Variants in SEMA5A observed in about 807,000 individuals in gnomAD.
SEMA5A encodes semaphorin 5A.
SEMA5A carries 55 observed loss-of-function variants against 135.5 expected under a neutral mutation model. That is an observed-to-expected ratio of 0.41 (90% CI 0.33 to 0.51). SEMA5A has a LOEUF of 0.51. SEMA5A is among the 20% of genes least tolerant of loss of function. SEMA5A has a pLI of 0.37. For missense variants in SEMA5A, 1,290 were observed against 1,419.9 expected (o/e 0.91, Z 1.47); for synonymous variants, 580 against 546.5 (o/e 1.06, Z -0.85).
chr5:9,039,068 C>T lies in SEMA5A; in HGVS notation c.*3829G>A, dbSNP rs1041932616. 1.3e-5 allele frequency: 2 copies of T among 152,244 alleles called. No homozygotes were observed. Among genetic ancestry groups the T allele is most frequent in the African/African-American group, 4.8e-5 (2 of 41,446 alleles). 9.4% of individuals were successfully genotyped at this position (152,244 alleles called of 1,614,324 possible). On this transcript the variant is annotated 3_prime_UTR_variant, in exon 23 of 23. Coordinates refer to ENST00000382496, the MANE Select transcript of SEMA5A (RefSeq NM_003966.3). Reference sequence around the variant, plus strand: ...TGACAGCATGACCTGCTAATTCTACCAGAGACTCCAGTGGGAACACTCAGC... The same window carrying T: ...TGACAGCATGACCTGCTAATTCTACTAGAGACTCCAGTGGGAACACTCAGC...
chr5:9,298,501 T>C (rs1021589509), intron 5 of SEMA5A, among the ~76,000 whole-genome samples: 15 of 152,258 alleles, frequency 9.9e-5, no homozygotes, highest in Non-Finnish European at 2.1e-4. Flanking sequence ...AAGAAACTAA[T>C]ACACATGCGT....
intron 3 of SEMA5A, among the ~76,000 whole-genome samples, chr5:9,349,464 G>T (rs926292253): frequency 2.6e-5 from 4 of 152,156 alleles, no homozygotes; most frequent in African/African-American, 9.7e-5. Context: ...ACACAAAAGA[G>T]AGTTAAACTG....
chr5:9,494,522 T>C (rs1027165646), intron 1 of SEMA5A, among the ~76,000 whole-genome samples: 2 of 152,138 alleles, frequency 1.3e-5, no homozygotes, highest in African/African-American at 4.8e-5. Flanking sequence ...TGCTTCCTAA[T>C]TGACACTGCT....
chr5:9,475,456 C>G (rs1257074837), intron 1 of SEMA5A, among the ~76,000 whole-genome samples: 1 of 152,198 alleles, frequency 6.6e-6, no homozygotes, highest in African/African-American at 2.4e-5. Context: ...TCTGTGAATA[C>G]ATTCTCTAAT....
chr5:9,109,752 T>A (rs763197670), intron 15 of SEMA5A, among the ~76,000 whole-genome samples: 2 of 152,050 alleles, frequency 1.3e-5, no homozygotes, highest in African/African-American at 2.4e-5. Flanking sequence ...CAGTCGAAAA[T>A]AAACACAGGG....
chr5:9,288,428 G>A lies in SEMA5A; in HGVS notation c.270+29944C>T, dbSNP rs151016249. 4.6e-5 allele frequency among the ~76,000 whole-genome samples: 7 copies of A among 152,286 alleles called. No homozygotes were observed. The East Asian group carries it at 5.8e-4, about 13-fold the overall frequency. On this transcript the variant is annotated intron_variant, in intron 5 of 22. Coordinates refer to ENST00000382496, the MANE Select transcript of SEMA5A (RefSeq NM_003966.3). Reference sequence around the variant, plus strand: ...GACTTCCCTCCCCTTTCTCCCACAGGCCTTCCAAGGACCTTTTCCATGGCC... The same window carrying A: ...GACTTCCCTCCCCTTTCTCCCACAGACCTTCCAAGGACCTTTTCCATGGCC...
At chr5:9,128,459 T>C (rs1336561015) in intron 13 of SEMA5A, among the ~76,000 whole-genome samples, 1 of 152,204 alleles carries the variant, frequency 6.6e-6, no homozygotes, top group Non-Finnish European at 1.5e-5. Context: ...GTGAATATGA[T>C]ACTTGGCAAT....
At chr5:9,237,459 T>C (rs1375126752) in intron 6 of SEMA5A, among the ~76,000 whole-genome samples, 2 of 152,214 alleles carry the variant, frequency 1.3e-5, no homozygotes, top group African/African-American at 4.8e-5. Context: ...AATTTATTTG[T>C]CATATCATTA....
chr5:9,343,537 T>C (rs1260054938), intron 3 of SEMA5A, among the ~76,000 whole-genome samples: 2 of 152,154 alleles, frequency 1.3e-5, no homozygotes, highest in Non-Finnish European at 2.9e-5. Flanking sequence ...CCTGAAGTTG[T>C]GAAAAGATCC....
At chr5:9,054,555 A>C (rs1736783059) in intron 18 of SEMA5A, among the ~76,000 whole-genome samples, 1 of 152,192 alleles carries the variant, frequency 6.6e-6, no homozygotes, top group African/African-American at 2.4e-5. Flanking sequence ...GTATCTAAGT[A>C]CAAACATGAC....
At chr5:9,367,272 A>G (rs986460965) in intron 3 of SEMA5A, 1 of 152,234 alleles carries the variant, frequency 6.6e-6, no homozygotes, top group African/African-American at 2.4e-5. Context: ...GAGCATTTCT[A>G]TCATCATAGA....
At chr5:9,526,257 CA>C (rs1405779594) in intron 1 of SEMA5A, among the ~76,000 whole-genome samples, 1 of 151,672 alleles carries the variant, frequency 6.6e-6, no homozygotes, top group Non-Finnish European at 1.5e-5. Flanking sequence ...TTCAATTATC[CA>C]AAAGCATATT....
intron 16 of SEMA5A, 152 bp downstream of exon 16, chr5:9,107,988 T>C: frequency 2.2e-6 from 2 of 921,156 alleles, no homozygotes; most frequent in Non-Finnish European, 3.2e-6. Context: ...CCATTTAGTG[T>C]TTGCAGTGTA....
At chr5:9,497,606 T>C (rs1338047387) in intron 1 of SEMA5A, among the ~76,000 whole-genome samples, 1 of 152,230 alleles carries the variant, frequency 6.6e-6, no homozygotes, top group Admixed American at 6.5e-5. Flanking sequence ...ACCAGGCATC[T>C]AAGCACGTCC....
chr5:9,506,965 T>A (rs556383188), intron 1 of SEMA5A, among the ~76,000 whole-genome samples: 2 of 145,232 alleles, frequency 1.4e-5, no homozygotes, highest in African/African-American at 2.5e-5. Flanking sequence ...GCTGGTTTCT[T>A]TTAAGTTTGC....
intron 1 of SEMA5A, among the ~76,000 whole-genome samples, chr5:9,516,278 G>T (rs764631954): frequency 6.6e-6 from 1 of 151,626 alleles, no homozygotes; most frequent in African/African-American, 2.4e-5. Flanking sequence ...AAATACACAC[G>T]TATACACACA....
chr5:9,137,826 G>A (rs1414742306), intron 12 of SEMA5A, among the ~76,000 whole-genome samples: 1 of 152,112 alleles, frequency 6.6e-6, no homozygotes, highest in Non-Finnish European at 1.5e-5. Context: ...AACACCAAAT[G>A]TATTAATCAT....
chr5:9,315,951 G>A (rs929558768), intron 5 of SEMA5A, among the ~76,000 whole-genome samples: 5 of 152,048 alleles, frequency 3.3e-5, no homozygotes, highest in African/African-American at 4.8e-5. Context: ...CCATAAATTA[G>A]CATCTATTGA....
intron 15 of SEMA5A, among the ~76,000 whole-genome samples, chr5:9,112,962 A>G (rs1045428886): frequency 6.6e-6 from 1 of 152,230 alleles, no homozygotes; most frequent in African/African-American, 2.4e-5. Flanking sequence ...GCCTCTGGCT[A>G]ACAGCCAGCA....
Sources: gnomAD v4.1 joint callset for allele counts (sites outside exome capture counted in the v4.1 genomes callset) on GRCh38, gnomAD v4.1.1 for gene constraint, MANE v1.5 for transcripts, NCBI Gene and HGNC (gene_info 2026-07-23, HGNC 2026-07-21) for gene names.